The following FOXP1 variants were observed in gnomAD, a reference collection of about 807,000 sequenced individuals.
FOXP1 encodes the protein forkhead box P1.
A neutral mutation model predicts 98.2 loss-of-function variants in FOXP1; 15 were observed. The ratio of observed to expected loss-of-function variants is 0.15; its 90% CI spans 0.10 to 0.24. The LOEUF is 0.24. Ranked by LOEUF, FOXP1 falls within the 10% of genes least tolerant of loss-of-function variation. The pLI, the probability that FOXP1 is intolerant of heterozygous loss-of-function variation, is 1.00. For missense variants in FOXP1, 633 were observed against 848.5 expected (o/e 0.75, Z 3.15); for synonymous variants, 371 against 314.5 (o/e 1.18, Z -1.90).
intron 3 of FOXP1, among the ~76,000 whole-genome samples, chr3:71,371,533 G>A (rs1412894125): frequency 1.3e-5 from 2 of 152,172 alleles, no homozygotes; most frequent in Admixed American, 1.3e-4. Flanking sequence ...TGCCTGTGAT[G>A]CCAATATTTT....
Position 71,246,876 on chromosome 3 carries a change from TA to T in FOXP1, c.-11-48485del, listed in dbSNP as rs1482105990. ...CAGAGAAAATTGCTAGCTATTTATG[TA>T]TACGCTCAAATAAATTAGCCATTTC... On this transcript the variant is annotated intron_variant, in intron 5 of 20. Transcript: ENST00000649528. Among the ~76,000 whole-genome samples, 3 of 152,362 alleles carry T rather than the reference TA, an allele frequency of 2.0e-5. No individual in the cohort carries two copies. The South Asian group carries it at 6.2e-4, about 32-fold the overall frequency.
intron 11 of FOXP1, among the ~76,000 whole-genome samples, chr3:71,024,751 G>T (rs1012841552): frequency 1.3e-5 from 2 of 152,174 alleles, no homozygotes; most frequent in Non-Finnish European, 2.9e-5. Flanking sequence ...AAACAATGAT[G>T]GAGATTATTG....
chr3:71,325,648 TGTATTA>T (rs1379340813), intron 4 of FOXP1, among the ~76,000 whole-genome samples: 3 of 77,420 alleles, frequency 3.9e-5, no homozygotes, highest in African/African-American at 7.7e-5. Flanking sequence ...CTCCTACAAA[TGTATTA>T]TTATTATTAT....
chr3:71,133,458 T>C (rs963719090), intron 6 of FOXP1, among the ~76,000 whole-genome samples: 5 of 152,218 alleles, frequency 3.3e-5, no homozygotes, highest in Admixed American at 1.3e-4. Flanking sequence ...AATGTCACCA[T>C]AGACCTTGAA....
chr3:71,178,496 T>C (rs1447437041), intron 6 of FOXP1, among the ~76,000 whole-genome samples: 1 of 152,166 alleles, frequency 6.6e-6, no homozygotes, highest in Non-Finnish European at 1.5e-5. Context: ...ATGCCTGTAA[T>C]CACTGCATTT....
chr3:71,377,119 G>C (rs762327684), intron 3 of FOXP1, among the ~76,000 whole-genome samples: 3 of 152,148 alleles, frequency 2.0e-5, no homozygotes, highest in Non-Finnish European at 1.5e-5. Context: ...AAATTTAAGA[G>C]AGTTCAGCGG....
chr3:71,274,799 A>G (rs1219841340), intron 5 of FOXP1, among the ~76,000 whole-genome samples: 1 of 152,178 alleles, frequency 6.6e-6, no homozygotes, highest in Non-Finnish European at 1.5e-5. Flanking sequence ...TCAATCAGCA[A>G]TCTTACTGAT....
intron 3 of FOXP1, among the ~76,000 whole-genome samples, chr3:71,480,923 T>C (rs1040960815): frequency 2.0e-5 from 3 of 152,292 alleles, no homozygotes; most frequent in Middle Eastern, 3.4e-3. Flanking sequence ...TGGATGTTCA[T>C]GTAGTGGTAA....
chr3:71,468,830 A>C lies in FOXP1; in HGVS notation c.-168+24596T>G, dbSNP rs998587460. Among the ~76,000 whole-genome samples the C allele has an allele frequency of 5.9e-5, 9 of 152,214 alleles. No individual in the cohort carries two copies. In the South Asian group the frequency reaches 1.9e-3, roughly 31 times the overall value. Reference sequence around the variant, plus strand: ...ACTGCTGACACAAGCATCAGTGTGAAAGGAGAAGCACCAGACAACTCCACT... The same window carrying C: ...ACTGCTGACACAAGCATCAGTGTGACAGGAGAAGCACCAGACAACTCCACT... On this transcript the variant is annotated intron_variant, in intron 3 of 20. Transcript: ENST00000649528.
intron 2 of FOXP1, among the ~76,000 whole-genome samples, chr3:71,555,643 G>C (rs895863546): frequency 6.6e-6 from 1 of 152,140 alleles, no homozygotes; most frequent in Non-Finnish European, 1.5e-5. Context: ...GTTGCCTTTA[G>C]ATGTTTACAG....
At chr3:71,409,694 T>C (rs1425317201) in intron 3 of FOXP1, among the ~76,000 whole-genome samples, 1 of 152,176 alleles carries the variant, frequency 6.6e-6, no homozygotes, top group Non-Finnish European at 1.5e-5. Context: ...TTAGGGGTTT[T>C]AACTCTGGGG....
rs748084009 is a variant in FOXP1, at chr3:70,954,817, A to G, written c.*4430T>C. ...TTTTTTTTATTGTCTGTATCCGCAG[A>G]CATGGAATGATGGAATTACAGTTGA... On this transcript the variant is annotated 3_prime_UTR_variant, in exon 21 of 21. Transcript: ENST00000649528. The G allele has an allele frequency of 4.3e-6, 1 of 232,278 alleles. No homozygotes were observed. The highest frequency in any genetic ancestry group is 2.2e-5 in the African/African-American group (1 of 45,314). The allele number at this position is 232,278 out of a possible 1,614,324, so 14.4% of individuals were successfully genotyped here. A position where few individuals can be genotyped will look rare whatever the true frequency, so the allele number is the denominator to read the frequency against.
chr3:71,172,978 G>A (rs2061725133), intron 6 of FOXP1, among the ~76,000 whole-genome samples: 1 of 152,138 alleles, frequency 6.6e-6, no homozygotes, highest in Admixed American at 6.5e-5. Flanking sequence ...GTATCCAGAG[G>A]CTCAAAGAGT....
intron 3 of FOXP1, among the ~76,000 whole-genome samples, chr3:71,376,456 G>T (rs1039913635): frequency 6.6e-6 from 1 of 152,140 alleles, no homozygotes; most frequent in Non-Finnish European, 1.5e-5. Context: ...AGTGATATTG[G>T]CTAGTACATT....
chr3:71,211,176 A>G (rs938366531), intron 5 of FOXP1, among the ~76,000 whole-genome samples: 6 of 152,052 alleles, frequency 3.9e-5, no homozygotes, highest in African/African-American at 1.4e-4. Flanking sequence ...CAGTGGTGTT[A>G]CACTTGCCCT....
intron 6 of FOXP1, among the ~76,000 whole-genome samples, chr3:71,128,464 C>CA (rs1195977778): frequency 2.6e-5 from 4 of 152,196 alleles, no homozygotes; most frequent in African/African-American, 7.2e-5. Context: ...CTGAGGGACA[C>CA]AGACATATAA....
intron 11 of FOXP1, among the ~76,000 whole-genome samples, chr3:71,037,598 T>C (rs1284662175): frequency 1.3e-5 from 2 of 152,190 alleles, no homozygotes; most frequent in African/African-American, 4.8e-5. Context: ...CCATTGAACT[T>C]GATCCCCACC....
intron 6 of FOXP1, among the ~76,000 whole-genome samples, chr3:71,148,846 G>A (rs946046645): frequency 6.6e-6 from 1 of 152,202 alleles, no homozygotes; most frequent in Admixed American, 6.5e-5. Flanking sequence ...GCAGACATGG[G>A]TGAAGCACTC....
intron 3 of FOXP1, among the ~76,000 whole-genome samples, chr3:71,386,958 A>G (rs978348027): frequency 2.6e-5 from 4 of 152,100 alleles, no homozygotes; most frequent in African/African-American, 9.6e-5. Context: ...TTTCCAACCT[A>G]CTAATATTTT....
Sources: allele counts gnomAD v4.1 joint callset (sites outside exome capture counted in the v4.1 genomes callset), GRCh38; gene constraint gnomAD v4.1.1; transcripts MANE v1.5; gene names NCBI Gene and HGNC (gene_info 2026-07-23, HGNC 2026-07-21).